STPG2: variants seen among roughly 807,000 people sequenced by gnomAD.
The protein encoded by STPG2 is sperm-tail PG-rich repeat-containing protein 2.
Under a neutral mutation model 54.2 loss-of-function variants are expected in STPG2, and 56 were observed. The observed-to-expected ratio is 1.03, with a 90% CI of 0.83 to 1.29. STPG2 has a LOEUF of 1.29. STPG2 is among the 50% of genes most tolerant of loss of function. The pLI, the probability that STPG2 is intolerant of heterozygous loss-of-function variation, is 0.00. For missense variants in STPG2, 596 were observed against 544.9 expected, an observed-to-expected ratio of 1.09 and a Z score of -0.93; for synonymous variants, 200 against 181.8, an observed-to-expected ratio of 1.10 and a Z score of -0.81.
intron 8 of STPG2, among the ~76,000 whole-genome samples, chr4:97,875,290 G>A (rs1043750817): frequency 5.9e-5 from 9 of 151,626 alleles, no homozygotes; most frequent in South Asian, 2.1e-4. Context: ...TTTCCATAGC[G>A]GCTATACATA....
rs1724743553 is a variant in STPG2 at position 97,729,822 on chromosome 4, A to G, written c.1205-17008T>C. On this transcript the variant is annotated intron_variant, in intron 9 of 10. Coordinates refer to ENST00000295268, the MANE Select transcript of STPG2 (RefSeq NM_174952.3). ...AGACTTTATAAAGCCAATTTATTTT[A>G]AAGTGCCTTTTTTTCCTGCTATTGT... Among the ~76,000 whole-genome samples, 4 of 152,142 alleles carry G rather than the reference A, an allele frequency of 2.6e-5. No homozygotes were observed. In the South Asian group the frequency reaches 6.2e-4, roughly 24 times the overall value.
chr4:98,086,227 C>G (rs746184985), intron 5 of STPG2, among the ~76,000 whole-genome samples: 1 of 152,024 alleles, frequency 6.6e-6, no homozygotes, highest in African/African-American at 2.4e-5. Flanking sequence ...TTCTCACAAG[C>G]TATAAGATAA....
At chr4:97,765,806 G>A (rs957525674) in intron 9 of STPG2, among the ~76,000 whole-genome samples, 5 of 152,048 alleles carry the variant, frequency 3.3e-5, no homozygotes, top group African/African-American at 1.2e-4. Context: ...GAAGGAACTG[G>A]GATGTTCTAT....
chr4:97,615,788 C>T (rs1733845816), intron 10 of STPG2, among the ~76,000 whole-genome samples: 1 of 151,318 alleles, frequency 6.6e-6, no homozygotes, highest in Admixed American at 6.6e-5. Context: ...TCTCTAATCC[C>T]AACACTGGGA....
At chr4:97,735,987 A>G (rs1344861732) in intron 9 of STPG2, among the ~76,000 whole-genome samples, 2 of 152,234 alleles carry the variant, frequency 1.3e-5, no homozygotes, top group East Asian at 1.9e-4. Flanking sequence ...CAAAACCACA[A>G]TGAAATATCA....
chr4:97,844,169 C>T (rs1329088031), intron 8 of STPG2, among the ~76,000 whole-genome samples: 1 of 151,794 alleles, frequency 6.6e-6, no homozygotes, highest in Non-Finnish European at 1.5e-5. Context: ...TATGAAATTT[C>T]GTATACTCTC....
chr4:97,547,136 G>A (rs962987796), intron 4 of STPG2, among the ~76,000 whole-genome samples: 3 of 152,036 alleles, frequency 2.0e-5, no homozygotes, highest in Non-Finnish European at 4.4e-5. Flanking sequence ...AGGGTAAAAG[G>A]GCTAGAGAGA....
chr4:97,558,536 CTACGCTA>C (rs1366631832), downstream of STPG2, among the ~76,000 whole-genome samples: 5 of 152,204 alleles, frequency 3.3e-5, no homozygotes, highest in East Asian at 9.6e-4. Context: ...TTATTGTATG[CTACGCTA>C]TAGAGAGATC....
intron 4 of STPG2, among the ~76,000 whole-genome samples, chr4:97,512,539 T>G (rs1483531400): frequency 6.6e-6 from 1 of 151,362 alleles, no homozygotes; most frequent in Non-Finnish European, 1.5e-5. Context: ...TATGTGAGTG[T>G]TAATGAAAAG....
chr4:97,497,722 T>C (rs1016864742), intron 4 of STPG2, among the ~76,000 whole-genome samples: 3 of 151,854 alleles, frequency 2.0e-5, no homozygotes, highest in African/African-American at 7.2e-5. Flanking sequence ...TTGCCTTCTG[T>C]TTGCAACACT....
At chr4:98,053,843 A>AT (rs1737403095) in intron 5 of STPG2, among the ~76,000 whole-genome samples, 1 of 152,088 alleles carries the variant, frequency 6.6e-6, no homozygotes. Flanking sequence ...GTTATATATG[A>AT]TTTTTTTCAG....
intron 10 of STPG2, among the ~76,000 whole-genome samples, chr4:97,660,390 C>A (rs1032114979): frequency 4.6e-5 from 7 of 152,200 alleles, no homozygotes; most frequent in Non-Finnish European, 7.3e-5. Flanking sequence ...AGATACCCCT[C>A]TTGCCTTGAC....
chr4:97,608,154 TCA>T (rs1207074750), intron 10 of STPG2, among the ~76,000 whole-genome samples: 1 of 151,956 alleles, frequency 6.6e-6, no homozygotes, highest in Non-Finnish European at 1.5e-5. Context: ...CGAGTCAGTT[TCA>T]CAGTTTTGGG....
chr4:97,988,901 A>G (rs1485449380), intron 5 of STPG2, among the ~76,000 whole-genome samples: 3 of 152,270 alleles, frequency 2.0e-5, no homozygotes, highest in Admixed American at 2.0e-4. Context: ...GGCGTGAGCC[A>G]CTGCGCCTGG....
intron 4 of STPG2, among the ~76,000 whole-genome samples, chr4:97,484,171 C>G (rs978810035): frequency 2.6e-5 from 4 of 151,382 alleles, no homozygotes; most frequent in African/African-American, 9.7e-5. Context: ...ACTAGAGAAA[C>G]AAGAACAAGT....
intron 8 of STPG2, among the ~76,000 whole-genome samples, chr4:97,866,372 C>A (rs963853058): frequency 6.6e-6 from 1 of 151,970 alleles, no homozygotes; most frequent in African/African-American, 2.4e-5. Context: ...CATAAATACA[C>A]ACACATACTA....
intron 7 of STPG2, among the ~76,000 whole-genome samples, chr4:97,962,618 G>C (rs116643752): frequency 0.011 from 1,653 of 152,220 alleles, 24 homozygotes; most frequent in Middle Eastern, 0.024. Context: ...TTGTCAACAA[G>C]AATAGCAAAT....
chr4:97,758,137 GA>G (rs1473454484), intron 9 of STPG2, among the ~76,000 whole-genome samples: 1 of 152,224 alleles, frequency 6.6e-6, no homozygotes, highest in East Asian at 1.9e-4. Context: ...GGTATTTCAG[GA>G]AAAATAATTT....
At chr4:97,691,435 T>C (rs1467770599) in intron 10 of STPG2, among the ~76,000 whole-genome samples, 7 of 152,068 alleles carry the variant, frequency 4.6e-5, no homozygotes, top group Non-Finnish European at 7.4e-5. Flanking sequence ...ACCTGTATGA[T>C]GTAGCAGAGG....
Sources: allele counts gnomAD v4.1 joint callset (sites outside exome capture counted in the v4.1 genomes callset), GRCh38; gene constraint gnomAD v4.1.1; transcripts MANE v1.5; gene names NCBI Gene and HGNC (gene_info 2026-07-23, HGNC 2026-07-21).